The following FUT8 variants were observed in gnomAD, a reference collection of about 807,000 sequenced individuals.
FUT8 encodes alpha-(1,6)-fucosyltransferase.
In FUT8, 29 loss-of-function variants were observed where a neutral mutation model predicts 71.3. That is an observed-to-expected ratio of 0.41 (90% CI 0.30 to 0.55). The LOEUF is 0.55. Among genes scored for constraint, FUT8 ranks in the 20% least tolerant of loss-of-function variants. FUT8 has a pLI of 0.34. For missense variants in FUT8, 544 were observed against 702.1 expected (o/e 0.77, Z 2.55); for synonymous variants, 254 against 239.3 (o/e 1.06, Z -0.57).
intron 3 of FUT8, among the ~76,000 whole-genome samples, chr14:65,608,302 T>C (rs1209899049): frequency 5.3e-5 from 8 of 151,952 alleles, no homozygotes; most frequent in African/African-American, 1.9e-4. Flanking sequence ...TGTGCCTACG[T>C]TCTTTTTCTT....
rs1349325048 is a variant in FUT8 at position 65,627,810 on chromosome 14, T to C, written c.483-1682T>C. Among the ~76,000 whole-genome samples, 3 of 152,328 alleles carry C rather than the reference T, an allele frequency of 2.0e-5. No homozygotes were observed. In the East Asian group the frequency reaches 5.8e-4, roughly 29 times the overall value. On this transcript the variant is annotated intron_variant, in intron 5 of 10. Transcript: ENST00000673929. This position sits in a 1 kb window ranked among gnomAD's most constrained non-coding sequence, Gnocchi z 4.0. ...ACCAGCTTCAGTTGTTTTCTATCTA[T>C]TTAGGAGACTGCCGTTCCCTGGCAC...
intron 2 of FUT8, among the ~76,000 whole-genome samples, chr14:65,478,999 A>G (rs551496140): frequency 6.6e-6 from 1 of 152,336 alleles, no homozygotes; most frequent in Non-Finnish European, 1.5e-5. Context: ...TATTTTAGGA[A>G]TACTTTTTAA....
rs150312913 is a variant in FUT8, at chr14:65,470,789, C to A, written c.-228+15071C>A. On this transcript the variant is annotated intron_variant, in intron 2 of 10. Coordinates refer to ENST00000673929, the MANE Select transcript of FUT8 (RefSeq NM_001371533.1). ...CACTGGCTGGTCCCTGAAGTGGGCA[C>A]CGCTCCCACTTCCTGCCTCAGGCCC... Among the ~76,000 whole-genome samples the A allele has an allele frequency of 5.6e-3, 849 of 152,020 alleles. 5 individuals carry two copies. The highest frequency in any genetic ancestry group is 0.014 in the Middle Eastern group (4 of 294).
intron 1 of FUT8, among the ~76,000 whole-genome samples, chr14:65,434,464 A>C (rs2065525203): frequency 6.6e-6 from 1 of 152,248 alleles, no homozygotes; most frequent in Non-Finnish European, 1.5e-5. Context: ...AATCGGGGGT[A>C]GTGTCAGTTC....
chr14:65,487,342 C>T (rs1350604834), intron 2 of FUT8, among the ~76,000 whole-genome samples: 3 of 152,076 alleles, frequency 2.0e-5, no homozygotes, highest in Non-Finnish European at 4.4e-5. Context: ...GCAGGCAGAT[C>T]ACTTGAGATC....
intron 7 of FUT8, among the ~76,000 whole-genome samples, chr14:65,696,786 A>C (rs1375209939): frequency 6.6e-6 from 1 of 151,990 alleles, no homozygotes; most frequent in African/African-American, 2.4e-5. Context: ...GTTTATGTTC[A>C]CATATCTTTA....
chr14:65,504,909 G>A (rs926493473), intron 2 of FUT8, among the ~76,000 whole-genome samples: 3 of 152,190 alleles, frequency 2.0e-5, no homozygotes, highest in East Asian at 3.9e-4. Flanking sequence ...GCCATTGCAC[G>A]CCGGGCTGGG....
chr14:65,530,122 C>G (rs532769292), intron 2 of FUT8, among the ~76,000 whole-genome samples: 2 of 152,240 alleles, frequency 1.3e-5, no homozygotes, highest in African/African-American at 4.8e-5. Flanking sequence ...GTAACTCTCT[C>G]ACTTCAGGAA....
intron 2 of FUT8, among the ~76,000 whole-genome samples, chr14:65,459,702 T>G (rs762010327): frequency 6.6e-6 from 1 of 152,068 alleles, no homozygotes; most frequent in Non-Finnish European, 1.5e-5. Flanking sequence ...TTTCTTATTT[T>G]AAAAAAAGGC....
the FUT8 span, among the ~76,000 whole-genome samples, chr14:65,358,722 A>T: frequency 7.2e-5 from 11 of 152,124 alleles, no homozygotes; most frequent in Non-Finnish European, 1.3e-4. Context: ...AAGTGCTGGG[A>T]TTATAGGTGT....
intron 2 of FUT8, among the ~76,000 whole-genome samples, chr14:65,531,665 T>C (rs936073069): frequency 3.3e-4 from 50 of 152,186 alleles, no homozygotes; most frequent in African/African-American, 1.1e-3. Flanking sequence ...AGGTTTGTTA[T>C]ATACGTAAAC....
intron 5 of FUT8, chr14:65,617,162 T>G (rs759422008): frequency 6.3e-7 from 1 of 1,581,742 alleles, no homozygotes; most frequent in South Asian, 1.2e-5. Context: ...AACCTACTAC[T>G]GTGAAGAGGA....
At chr14:65,615,323 C>T (rs760512484) in intron 3 of FUT8, among the ~76,000 whole-genome samples, 7 of 151,992 alleles carry the variant, frequency 4.6e-5, no homozygotes, top group Non-Finnish European at 8.8e-5. Flanking sequence ...CCCAGGCTGG[C>T]CATGAACTCC....
chr14:65,626,800 T>C (rs552288688), intron 5 of FUT8, among the ~76,000 whole-genome samples: 2 of 152,380 alleles, frequency 1.3e-5, no homozygotes, highest in African/African-American at 4.8e-5. Context: ...GATTTCTAGA[T>C]GTGTAATTTT....
chr14:65,383,724 CT>C, the FUT8 span, among the ~76,000 whole-genome samples: 1 of 152,184 alleles, frequency 6.6e-6, no homozygotes, highest in Non-Finnish European at 1.5e-5. Flanking sequence ...TCCTTCTTGT[CT>C]TTGCGTATAC....
chr14:65,726,007 C>T (rs1895665258), intron 9 of FUT8, among the ~76,000 whole-genome samples: 2 of 152,018 alleles, frequency 1.3e-5, no homozygotes, highest in South Asian at 4.1e-4. Flanking sequence ...TACATGCGCG[C>T]ATGCGTGCAC....
chr14:65,564,473 A>T (rs1360946369), intron 3 of FUT8, among the ~76,000 whole-genome samples: 2 of 152,044 alleles, frequency 1.3e-5, no homozygotes, highest in Non-Finnish European at 2.9e-5. Context: ...TCTTGGAGGG[A>T]TGCAAATGTA....
intron 1 of FUT8, among the ~76,000 whole-genome samples, chr14:65,436,591 T>C (rs1006882177): frequency 2.0e-4 from 30 of 147,824 alleles, no homozygotes; most frequent in African/African-American, 7.3e-4. Context: ...ATCGTGCCAC[T>C]GCACTCCAGC....
At chr14:65,621,469 C>T (rs531929776) in intron 5 of FUT8, among the ~76,000 whole-genome samples, 29 of 151,690 alleles carry the variant, frequency 1.9e-4, no homozygotes, top group African/African-American at 6.3e-4. Flanking sequence ...AGAATAGTTT[C>T]GATCTCTTGA....
Sources: allele counts gnomAD v4.1 joint callset (sites outside exome capture counted in the v4.1 genomes callset), GRCh38; gene constraint gnomAD v4.1.1; non-coding constraint Gnocchi (gnomAD v3.1); transcripts MANE v1.5; gene names NCBI Gene and HGNC (gene_info 2026-07-23, HGNC 2026-07-21).